TM4SF5: variants seen among roughly 807,000 people sequenced by gnomAD.
TM4SF5 encodes the protein transmembrane 4 L6 family member 5.
TM4SF5 carries 16 observed loss-of-function variants against 22.3 expected under a neutral mutation model. The ratio of observed to expected loss-of-function variants is 0.72; its 90% CI spans 0.49 to 1.09. TM4SF5 has a LOEUF of 1.09. Among genes scored for constraint, TM4SF5 ranks in the 50% least tolerant of loss-of-function variants. The pLI, the probability that TM4SF5 is intolerant of heterozygous loss-of-function variation, is 0.00. For synonymous variants in TM4SF5, 113 were observed against 109.6 expected (o/e 1.03, Z -0.19); for missense variants, 249 against 266.1 (o/e 0.94, Z 0.45).
chr17:4,779,233 C>G (rs905163610), intron 1 of TM4SF5, among the ~76,000 whole-genome samples: 4 of 151,946 alleles, frequency 2.6e-5, no homozygotes, highest in Admixed American at 2.0e-4. Flanking sequence ...AGTTCAAGAC[C>G]AGCCTGAGCA....
At position 4,772,087 on chromosome 17, in the gene TM4SF5, C is replaced by A; in HGVS notation, c.165C>A (p.Gly55=). The change falls in exon 1 of 5, where the codon GGC becomes GGA. Residue 55 remains glycine (G), a synonymous_variant. Coordinates refer to ENST00000270560, the MANE Select transcript of TM4SF5 (RefSeq NM_003963.3). ...LQVWLMGGFI[G]GGLMVLCPGI... ...TCTGGCTCATGGGCGGCTTCATTGG[C>A]GGGGGCCTAATGGTGAGAAGGCTGG... 6.2e-7 allele frequency: 1 copy of A among 1,614,148 alleles called. No homozygotes were observed. The highest frequency in any genetic ancestry group is 8.5e-7 in the Non-Finnish European group (1 of 1,180,028).
chr17:4,779,474 G>T (rs1917261442), intron 1 of TM4SF5, among the ~76,000 whole-genome samples: 1 of 152,084 alleles, frequency 6.6e-6, no homozygotes, highest in Admixed American at 6.6e-5. Context: ...CCTGATAGAG[G>T]ATAGAGTGTA....
chr17:4,772,120 G>T, intron 1 of TM4SF5, 21 bp downstream of exon 1: 1 of 1,613,892 alleles, frequency 6.2e-7, no homozygotes, highest in Non-Finnish European at 8.5e-7. Flanking sequence ...TGGCAGGGGA[G>T]CCCGGGCCAG....
At chr17:4,781,124 A>G (rs1249409312) in intron 2 of TM4SF5, among the ~76,000 whole-genome samples, 1 of 146,438 alleles carries the variant, frequency 6.8e-6, no homozygotes, top group Non-Finnish European at 1.5e-5. Flanking sequence ...AGGCTGCAGT[A>G]AGCAGTGATT....
chr17:4,776,451 G>C (rs1597297657), intron 1 of TM4SF5, among the ~76,000 whole-genome samples: 1 of 152,014 alleles, frequency 6.6e-6, no homozygotes, highest in Non-Finnish European at 1.5e-5. Flanking sequence ...ACAGGCATGT[G>C]CCACCGTGCC....
chr17:4,776,351 G>C (rs1917205200), intron 1 of TM4SF5, among the ~76,000 whole-genome samples: 1 of 151,580 alleles, frequency 6.6e-6, no homozygotes, highest in African/African-American at 2.4e-5. Flanking sequence ...ACCCAGGCTG[G>C]AGTACAATGG....
In TM4SF5 at chr17:4,780,861, C is replaced by A. The variant is rs185299933; in HGVS notation, c.250C>A (p.Arg84Ser). 1 of 1,611,826 alleles carries A rather than the reference C, an allele frequency of 6.2e-7. No homozygotes were observed. Among genetic ancestry groups the A allele is most frequent in the Non-Finnish European group, 8.5e-7 (1 of 1,178,948 alleles). The change falls in exon 2 of 5, where the codon CGC becomes AGC. Residue 84 changes from arginine (R) to serine (S), a missense_variant. Arg to Ser is a moderately radical substitution (Grantham distance 110). Coordinates refer to ENST00000270560, the MANE Select transcript of TM4SF5 (RefSeq NM_003963.3). The part of the protein sequence containing the change: ...GCCGAGCCGN[R>S]CRMLRSVFSS... ...CTGTGGTGCTGGGTGCTGTGGAAAC[C>A]GCTGCAGGGTAAGATCCAGATTAAG...
At position 4,771,942 on chromosome 17, in the gene TM4SF5, C is replaced by T. The variant is rs1200428730; in HGVS notation, c.20C>T (p.Ala7Val). The change falls in exon 1 of 5, where the codon GCC becomes GTC. Residue 7 changes from alanine to valine, a missense_variant. Coordinates refer to ENST00000270560, the MANE Select transcript of TM4SF5 (RefSeq NM_003963.3). MCTGKC[A>V]RCVGLSLITL... The stretch of plus-strand genomic sequence containing the variant: ...CTCACCATGTGTACGGGAAAATGTG[C>T]CCGCTGTGTGGGGCTCTCCCTCATT... 3.7e-6 allele frequency: 6 copies of T among 1,614,092 alleles called. No homozygotes were observed. In the South Asian group the frequency reaches 6.6e-5, roughly 18 times the overall value.
At chr17:4,772,173 G>A (rs1917122976) in intron 1 of TM4SF5, 74 bp downstream of exon 1, 1 of 1,563,048 alleles carries the variant, frequency 6.4e-7, no homozygotes, top group East Asian at 2.2e-5. Context: ...GGAGGGAGAG[G>A]GAGAGAGGAA....
rs541886050 is a variant in TM4SF5, at chr17:4,781,135, TAAAAAA to T, written c.258+286_258+291del. ...GTCCAGGCTGCAGTAAGCAGTGATT[TAAAAAA>T]AAAAAAAAAAAAAAAAAAAGAAGAG... On this transcript the variant is annotated intron_variant, in intron 2 of 4. Coordinates refer to ENST00000270560, the MANE Select transcript of TM4SF5 (RefSeq NM_003963.3). 4.0e-4 allele frequency among the ~76,000 whole-genome samples: 50 copies of T among 125,180 alleles called. 1 individual carries two copies. Among genetic ancestry groups the T allele is most frequent in the East Asian group, 5.9e-4 (2 of 3,382 alleles). 82.1% of individuals were successfully genotyped at this position (125,180 alleles called of 152,430 possible).
Position 4,783,177 on chromosome 17 carries a change from C to T in TM4SF5, c.*49C>T. On this transcript the variant is annotated 3_prime_UTR_variant, in exon 5 of 5. Transcript: ENST00000270560. ...ACCTGCTCCTTCCTGGACGCTCACTCCCTTGCTCGCTAGAATAAACTGCTT... is the reference window on the plus strand; with the variant it reads ...ACCTGCTCCTTCCTGGACGCTCACTTCCTTGCTCGCTAGAATAAACTGCTT... 5.3e-6 allele frequency: 4 copies of T among 749,674 alleles called. No homozygotes were observed. Among genetic ancestry groups the T allele is most frequent in the Non-Finnish European group, 7.5e-6 (4 of 533,930 alleles). 46.4% of individuals were successfully genotyped at this position (749,674 alleles called of 1,614,324 possible).
rs767256969 is a variant in TM4SF5, at chr17:4,782,852, A to G, written c.396-2A>G. ...TCCCACGTGGCCTCACCCCTCCCAC[A>G]GGGGAGCTTACTTGCTCAACCGCAC... is the stretch of plus-strand genomic sequence containing the variant. On this transcript the variant is annotated splice_acceptor_variant, in intron 3 of 4. Transcript: ENST00000270560. LOFTEE classifies it high-confidence loss of function. 13 of 1,610,960 alleles carry G rather than the reference A, an allele frequency of 8.1e-6. No homozygotes were observed. The South Asian group carries it at 1.4e-4, about 18-fold the overall frequency.
chr17:4,779,308 G>A lies in TM4SF5; in HGVS notation c.178-1481G>A, dbSNP rs116210262. ...GCTGGGAATGATGACGCATGCCTGC[G>A]ATACCAGCTACTCAGGAGGCTGAGG... is the stretch of plus-strand genomic sequence containing the variant. On this transcript the variant is annotated intron_variant, in intron 1 of 4. Transcript: ENST00000270560. Among the ~76,000 whole-genome samples, 1,035 of 148,498 alleles carry A rather than the reference G, an allele frequency of 7.0e-3. 10 individuals are homozygous for A. The highest frequency in any genetic ancestry group is 0.024 in the African/African-American group (986 of 40,412).
At chr17:4,782,110 T>C (rs1223737697) in intron 2 of TM4SF5, among the ~76,000 whole-genome samples, 1 of 137,480 alleles carries the variant, frequency 7.3e-6, no homozygotes, top group East Asian at 2.1e-4. Flanking sequence ...TTTTTTTTTC[T>C]TTTTGAGACG....
chr17:4,774,683 G>A (rs1031498268), intron 1 of TM4SF5, among the ~76,000 whole-genome samples: 7 of 152,168 alleles, frequency 4.6e-5, no homozygotes, highest in South Asian at 4.1e-4. Context: ...TGAGGCAGGC[G>A]GATCACCGAG....
chr17:4,781,380 C>T (rs954869899), intron 2 of TM4SF5, among the ~76,000 whole-genome samples: 4 of 150,740 alleles, frequency 2.7e-5, no homozygotes, highest in South Asian at 2.1e-4. Flanking sequence ...TGGTGGTGGG[C>T]GCCTGTAATC....
intron 2 of TM4SF5, 100 bp from the exon 3 acceptor site, chr17:4,782,403 G>T (rs1442487495): frequency 1.4e-5 from 20 of 1,440,834 alleles, no homozygotes; most frequent in Non-Finnish European, 2.9e-6. Context: ...TTAACAACCC[G>T]ACTGGAGCAG....
intron 1 of TM4SF5, among the ~76,000 whole-genome samples, chr17:4,778,390 G>A (rs1025856180): frequency 4.6e-5 from 7 of 152,108 alleles, no homozygotes; most frequent in African/African-American, 1.7e-4. Context: ...TGAAGCAGGA[G>A]GATTGCTTGA....
intron 1 of TM4SF5, 31 bp downstream of exon 1, chr17:4,772,130 G>A (rs4790704): frequency 6.2e-7 from 1 of 1,613,452 alleles, no homozygotes. Context: ...GCCCGGGCCA[G>A]CTGGCTGGGT....
Sources: gnomAD v4.1 joint callset for allele counts (sites outside exome capture counted in the v4.1 genomes callset) on GRCh38, gnomAD v4.1.1 for gene constraint, MANE v1.5 for transcripts, NCBI Gene and HGNC (gene_info 2026-07-23, HGNC 2026-07-21) for gene names.